BRWD1: variants seen among roughly 807,000 people sequenced by gnomAD.
BRWD1 encodes bromodomain and WD repeat-containing protein 1.
A neutral mutation model predicts 251.2 loss-of-function variants in BRWD1; 82 were observed. That is an observed-to-expected ratio of 0.33 (90% CI 0.27 to 0.39). The LOEUF is 0.39. Among genes scored for constraint, BRWD1 ranks in the 10% least tolerant of loss-of-function variants. The pLI, the probability that BRWD1 is intolerant of heterozygous loss-of-function variation, is 1.00. For missense variants in BRWD1, 2,233 were observed against 2,711.6 expected (o/e 0.82, Z 3.92); for synonymous variants, 918 against 902.8 (o/e 1.02, Z -0.30).
chr21:39,254,565 G>T (rs372648849), intron 19 of BRWD1, among the ~76,000 whole-genome samples: 2 of 152,134 alleles, frequency 1.3e-5, no homozygotes, highest in South Asian at 4.1e-4. Flanking sequence ...TAATGAAAAG[G>T]AATAAATCTT....
chr21:39,305,881 A>AT (rs1326087435), intron 4 of BRWD1, among the ~76,000 whole-genome samples: 2 of 149,642 alleles, frequency 1.3e-5, no homozygotes, highest in South Asian at 4.2e-4. Flanking sequence ...AAAAAAAAAA[A>AT]ACCTTATCGG....
At chr21:39,208,945 C>T (rs949598851) in intron 36 of BRWD1, among the ~76,000 whole-genome samples, 3 of 139,574 alleles carry the variant, frequency 2.1e-5, no homozygotes, top group Non-Finnish European at 4.7e-5. Flanking sequence ...TTAAAGAAGT[C>T]AATTAACAAA....
chr21:39,199,195 G>A lies in BRWD1; in HGVS notation c.5221C>T (p.His1741Tyr). Residue 1741 changes from histidine (H) to tyrosine (Y), a missense_variant, in exon 40 of 41, where the codon CAT (histidine) becomes TAT (tyrosine). His to Tyr is a moderately conservative substitution (Grantham distance 83). Around this residue, in one of 12 missense-constraint regions of BRWD1, gnomAD observed 928 missense variants for 970.0 expected, o/e 0.96. Transcript: ENST00000342449. ...TTTGTCTTTGAAGGTGCTGGAGTAT[G>A]GGACTTGTAACCATTAGCATGCCAA... ...KNWHANGYKS[H>Y]TPAPSKTKFL... 1 of 1,614,152 alleles carries A rather than the reference G, an allele frequency of 6.2e-7. No homozygotes were observed. Among genetic ancestry groups the A allele is most frequent in the Non-Finnish European group, 8.5e-7 (1 of 1,180,026 alleles).
At chr21:39,224,532 T>G (rs1246906789) in intron 28 of BRWD1, 63 bp from the exon 29 acceptor site, 5 of 1,092,080 alleles carry the variant, frequency 4.6e-6, no homozygotes, top group Non-Finnish European at 6.8e-6. Context: ...ATAATAGGTA[T>G]CCATTATAAA....
chr21:39,257,780 GA>G (rs760559724), intron 18 of BRWD1, among the ~76,000 whole-genome samples: 9 of 150,954 alleles, frequency 6.0e-5, no homozygotes, highest in East Asian at 5.8e-4. Context: ...AAATGCTTCT[GA>G]AAAAAAACAC....
upstream of BRWD1, chr21:39,314,429 C>T (rs182789453): frequency 7.9e-5 from 34 of 432,568 alleles, no homozygotes; most frequent in African/African-American, 6.2e-4. Flanking sequence ...GACAGGAAAA[C>T]GGGACTGTGG....
intron 31 of BRWD1, chr21:39,217,408 T>A: frequency 5.0e-6 from 1 of 200,754 alleles, no homozygotes; most frequent in Non-Finnish European, 1.0e-5. Flanking sequence ...CCCACAAAAA[T>A]TATTTTTAAA....
rs61488970 is a variant in BRWD1 at position 39,241,473 on chromosome 21, TAAAAAAAAAAAAAAAAAAAAAAA to T, written c.2482-2923_2482-2901del. On this transcript the variant is annotated intron_variant, in intron 21 of 40. Coordinates refer to ENST00000342449, the MANE Select transcript of BRWD1 (RefSeq NM_033656.4). ...ACAGAGCAAGATTCCATCTCCAAAG[TAAAAAAAAAAAAAAAAAAAAAAA>T]AAAAAAAAAAAAAAAAAAAGATTTA... is the stretch of plus-strand genomic sequence containing the variant. Among the ~76,000 whole-genome samples the T allele has an allele frequency of 6.1e-3, 276 of 44,926 alleles. 1 individual carries two copies. Among genetic ancestry groups the T allele is most frequent in the South Asian group, 0.02 (12 of 588 alleles). 29.5% of individuals were successfully genotyped at this position (44,926 alleles called of 152,430 possible).
rs761217263 is a variant in BRWD1 at position 39,225,121 on chromosome 21, C to G, written c.3285G>C (p.Gln1095His). 7 of 1,612,494 alleles carry G rather than the reference C, an allele frequency of 4.3e-6. No individual in the cohort carries two copies. The Admixed American group carries it at 1.2e-4, about 27-fold the overall frequency. Reference protein sequence around the residue: ...TVLSQEPYQPQYPDSHFQCYI... With the variant: ...TVLSQEPYQPHYPDSHFQCYI... ...AACACTGGAAATGACTATCAGGATA[C>G]TGTGGTTGATATGGCTCTTGACTTA... Residue 1095 changes from glutamine to histidine, a missense_variant, in exon 28 of 41, where the codon CAG becomes CAC. Around this residue, in one of 12 missense-constraint regions of BRWD1, gnomAD observed 139 missense variants for 272.8 expected, o/e 0.51. Coordinates refer to ENST00000342449, the MANE Select transcript of BRWD1 (RefSeq NM_033656.4).
chr21:39,272,309 T>A (rs55674408), intron 13 of BRWD1, among the ~76,000 whole-genome samples: 44,944 of 132,000 alleles, frequency 0.34, 7,664 homozygotes, highest in Middle Eastern at 0.39. Context: ...CTTAAATAAA[T>A]AAAAAAAAAA....
rs2031461492 is a variant in BRWD1 at position 39,189,980 on chromosome 21, G to A, written c.*6279C>T. 1.0e-6 allele frequency: 1 copy of A among 985,234 alleles called. No homozygotes were observed. Among genetic ancestry groups the A allele is most frequent in the Non-Finnish European group, 1.2e-6 (1 of 829,912 alleles). The allele number at this position is 985,234 out of a possible 1,614,324, so 61.0% of individuals were successfully genotyped here. A position where few individuals can be genotyped will look rare whatever the true frequency, so the allele number is the denominator to read the frequency against. On this transcript the variant is annotated 3_prime_UTR_variant, in exon 41 of 41. Transcript: ENST00000342449. The stretch of plus-strand genomic sequence containing the variant: ...TTTACAAAGTCATTGAGTGCTTGAG[G>A]ACTTGTTTTCCTGGAAGTGATTCCC...
chr21:39,270,253 ATT>A (rs1263935806), intron 14 of BRWD1, 28 bp downstream of exon 14: 3 of 1,506,468 alleles, frequency 2.0e-6, no homozygotes, highest in East Asian at 2.4e-5. Flanking sequence ...AAAAAATCTC[ATT>A]TGTTACACTG....
chr21:39,279,653 A>AAAG (rs2035391744), intron 9 of BRWD1, among the ~76,000 whole-genome samples: 3 of 81,664 alleles, frequency 3.7e-5, no homozygotes, highest in South Asian at 3.0e-4. Context: ...AAAAAAAAAA[A>AAAG]AAAGAAAAAA....
At chr21:39,300,603 G>A (rs1035493692) in intron 4 of BRWD1, among the ~76,000 whole-genome samples, 1 of 152,156 alleles carries the variant, frequency 6.6e-6, no homozygotes, top group Admixed American at 6.5e-5. Flanking sequence ...CACACTAACT[G>A]CTTGAGAAAA....
At chr21:39,288,874 G>A (rs1329420640) in intron 8 of BRWD1, among the ~76,000 whole-genome samples, 3 of 152,146 alleles carry the variant, frequency 2.0e-5, no homozygotes, top group African/African-American at 7.2e-5. Flanking sequence ...TGCTATCTCA[G>A]GGGTGACAGA....
At chr21:39,233,138 G>A (rs925517833) in intron 23 of BRWD1, among the ~76,000 whole-genome samples, 2 of 152,022 alleles carry the variant, frequency 1.3e-5, no homozygotes, top group Admixed American at 1.3e-4. Flanking sequence ...CAACACTCAA[G>A]CAGCCAGCTA....
intron 31 of BRWD1, chr21:39,217,372 C>T (rs1160796804): frequency 4.0e-5 from 7 of 175,800 alleles, no homozygotes; most frequent in African/African-American, 1.4e-4. Flanking sequence ...GCTGGGATTA[C>T]AGGCATAAGC....
intron 25 of BRWD1, among the ~76,000 whole-genome samples, chr21:39,229,864 C>G (rs1349358772): frequency 6.6e-6 from 1 of 152,072 alleles, no homozygotes; most frequent in African/African-American, 2.4e-5. Context: ...TTCCCGAGTA[C>G]CTGGGACTGA....
At position 39,265,038 on chromosome 21, in the gene BRWD1, A is replaced by ATT; in HGVS notation, c.1531-20_1531-19insAA. 6.2e-7 allele frequency: 1 copy of ATT among 1,606,972 alleles called. No homozygotes were observed. Among genetic ancestry groups the ATT allele is most frequent in the Non-Finnish European group, 8.5e-7 (1 of 1,177,976 alleles). ...CTTCAATCTAGGAAACACAAAAGGAAAAAAGTTAGGACCAATTCTATGCAA... is the reference window on the plus strand; with the variant it reads ...CTTCAATCTAGGAAACACAAAAGGAATTAAAAGTTAGGACCAATTCTATGCAA... On this transcript the variant is annotated intron_variant, in intron 15 of 40. Transcript: ENST00000342449.
Sources: allele counts gnomAD v4.1 joint callset (sites outside exome capture counted in the v4.1 genomes callset), GRCh38; gene constraint gnomAD v4.1.1; regional missense constraint gnomAD v4.1.1; transcripts MANE v1.5; gene names NCBI Gene and HGNC (gene_info 2026-07-23, HGNC 2026-07-21).